DCPH1: variants seen among roughly 807,000 people sequenced by gnomAD.
DCPH1 encodes the protein damage control phosphatase 1, also known as damage-control phosphatase 1.
the DCPH1 span, among the ~76,000 whole-genome samples, chr6:151,465,251 A>G: frequency 1.2e-4 from 18 of 152,322 alleles, no homozygotes; most frequent in African/African-American, 4.1e-4. Flanking sequence ...ACAACACATT[A>G]TTAGAATCAG....
the DCPH1 span, among the ~76,000 whole-genome samples, chr6:151,468,076 A>G: frequency 6.6e-6 from 1 of 152,264 alleles, no homozygotes; most frequent in African/African-American, 2.4e-5. Flanking sequence ...TTCTGAATAA[A>G]CAATGTGAGT....
At chr6:151,455,695 T>C in the DCPH1 span, among the ~76,000 whole-genome samples, 3 of 152,272 alleles carry the variant, frequency 2.0e-5, no homozygotes, top group South Asian at 6.2e-4. Flanking sequence ...GATGCCTTCC[T>C]CTTGTCTCAA....
the DCPH1 span, among the ~76,000 whole-genome samples, chr6:151,453,655 C>T: frequency 6.6e-6 from 1 of 152,166 alleles, no homozygotes; most frequent in Admixed American, 6.5e-5. Context: ...AGTAATTTAA[C>T]AATTGTCTCC....
the DCPH1 span, among the ~76,000 whole-genome samples, chr6:151,456,744 A>C: frequency 4.6e-5 from 7 of 152,194 alleles, no homozygotes; most frequent in Non-Finnish European, 7.3e-5. Flanking sequence ...TCAAACTCCT[A>C]GATTCCAGCA....
At chr6:151,458,238 TTTC>T in the DCPH1 span, 28 of 1,476,080 alleles carry the variant, frequency 1.9e-5, no homozygotes, top group African/African-American at 2.8e-5. Context: ...ACATTTTTCT[TTTC>T]TTCTTAAGTC....
the DCPH1 span, among the ~76,000 whole-genome samples, chr6:151,453,302 G>C: frequency 1.3e-5 from 2 of 152,264 alleles, no homozygotes; most frequent in Non-Finnish European, 2.9e-5. Context: ...CAGAGACTTT[G>C]TTCCAGAGGT....
the DCPH1 span, among the ~76,000 whole-genome samples, chr6:151,457,995 T>C: frequency 6.6e-6 from 1 of 152,164 alleles, no homozygotes; most frequent in African/African-American, 2.4e-5. Context: ...ACAGTTTCTT[T>C]TCTAGTGGTG....
At chr6:151,466,620 A>G in the DCPH1 span, among the ~76,000 whole-genome samples, 1 of 152,196 alleles carries the variant, frequency 6.6e-6, no homozygotes, top group Admixed American at 6.5e-5. Context: ...GTCGACACAC[A>G]CATTTCTGGG....
At chr6:151,468,928 T>A in the DCPH1 span, 1 of 1,614,188 alleles carries the variant, frequency 6.2e-7, no homozygotes, top group African/African-American at 1.3e-5. Context: ...ATGGGAGTTT[T>A]CTGTTCCATT....
At chr6:151,463,644 A>AAAAAC in the DCPH1 span, among the ~76,000 whole-genome samples, 1 of 152,234 alleles carries the variant, frequency 6.6e-6, no homozygotes, top group South Asian at 2.1e-4. Context: ...TGTTATTTAA[A>AAAAAC]AAAACAAAAC....
chr6:151,464,367 A>T, the DCPH1 span: 1 of 850,954 alleles, frequency 1.2e-6, no homozygotes, highest in Admixed American at 2.9e-5. Context: ...GATTATTGAG[A>T]CTGTATGGTG....
chr6:151,469,607 A>G, the DCPH1 span: 1 of 152,628 alleles, frequency 6.6e-6, no homozygotes. Flanking sequence ...ATTTCTTACA[A>G]CTGTGATGTT....
At chr6:151,469,164 C>T in the DCPH1 span, 1 of 1,459,932 alleles carries the variant, frequency 6.8e-7, no homozygotes, top group Non-Finnish European at 9.2e-7. Context: ...ACCTTTTCAT[C>T]CCCAGAAAAG....
the DCPH1 span, chr6:151,452,687 T>G: frequency 8.0e-7 from 1 of 1,247,026 alleles, no homozygotes; most frequent in South Asian, 1.4e-5. Context: ...GTGGGCTGCG[T>G]TCGAGTCCCG....
At chr6:151,453,204 G>A in the DCPH1 span, among the ~76,000 whole-genome samples, 69,274 of 152,088 alleles carry the variant, frequency 0.46, 17,265 homozygotes, top group African/African-American at 0.67. Flanking sequence ...CCCAAATTGA[G>A]GCAGTCACTG....
the DCPH1 span, among the ~76,000 whole-genome samples, chr6:151,466,686 A>G: frequency 2.3e-4 from 35 of 152,362 alleles, no homozygotes; most frequent in Non-Finnish European, 3.5e-4. Flanking sequence ...AAACAAGAAC[A>G]GGCTGATCCT....
At chr6:151,466,826 C>T in the DCPH1 span, among the ~76,000 whole-genome samples, 8 of 152,152 alleles carry the variant, frequency 5.3e-5, no homozygotes, top group African/African-American at 1.4e-4. Flanking sequence ...TGCTCTCAGT[C>T]GCTGAAGGCC....
the DCPH1 span, among the ~76,000 whole-genome samples, chr6:151,465,654 T>C: frequency 6.6e-6 from 1 of 152,158 alleles, no homozygotes; most frequent in Non-Finnish European, 1.5e-5. Context: ...ATTTGACTAT[T>C]TCAAGGAATG....
the DCPH1 span, among the ~76,000 whole-genome samples, chr6:151,463,476 G>C: frequency 6.6e-6 from 1 of 152,292 alleles, no homozygotes; most frequent in South Asian, 2.1e-4. Flanking sequence ...CTGACAGGAG[G>C]TTTAATGATG....
Sources: allele counts gnomAD v4.1 joint callset (sites outside exome capture counted in the v4.1 genomes callset), GRCh38; gene constraint gnomAD v4.1.1; transcripts MANE v1.5; gene names NCBI Gene and HGNC (gene_info 2026-07-23, HGNC 2026-07-21).